OSBPL3: variants seen among roughly 807,000 people sequenced by gnomAD.
The protein encoded by OSBPL3 is oxysterol-binding protein-related protein 3.
A neutral mutation model predicts 120.1 loss-of-function variants in OSBPL3; 65 were observed. The ratio of observed to expected loss-of-function variants is 0.54; its 90% CI spans 0.44 to 0.67. OSBPL3 has a LOEUF of 0.67. Ranked by LOEUF, OSBPL3 falls within the 30% of genes least tolerant of loss-of-function variation. The pLI, the probability that OSBPL3 is intolerant of heterozygous loss-of-function variation, is 0.00. For synonymous variants in OSBPL3, 416 were observed against 402.6 expected, an observed-to-expected ratio of 1.03 and a Z score of -0.40; for missense variants, 1,004 against 1,082.1, an observed-to-expected ratio of 0.93 and a Z score of 1.01.
rs1203635750 is a variant in OSBPL3 at position 24,883,961 on chromosome 7, G to A, written c.96+8416C>T. 2.0e-5 allele frequency among the ~76,000 whole-genome samples: 3 copies of A among 152,074 alleles called. No individual in the cohort carries two copies. On this transcript the variant is annotated intron_variant, in intron 2 of 22. Coordinates refer to ENST00000313367, the MANE Select transcript of OSBPL3 (RefSeq NM_015550.4). The surrounding 1 kb of genome is among the most constrained non-coding windows in gnomAD (Gnocchi z 5.4). ...TTATAACCATAGGGGTGGCTAAAAG[G>A]TCAGCAGTAAGGAGGAGAAGTAAAA...
intron 1 of OSBPL3, among the ~76,000 whole-genome samples, chr7:24,905,449 A>G (rs978461421): frequency 1.3e-5 from 2 of 152,176 alleles, no homozygotes; most frequent in Admixed American, 1.3e-4. Flanking sequence ...GTATCAGAAA[A>G]TGAAAATTGG....
Position 24,834,936 on chromosome 7 carries a change from C to T in OSBPL3, c.1496-200G>A, listed in dbSNP as rs1029075272. Among the ~76,000 whole-genome samples the T allele has an allele frequency of 7.2e-5, 11 of 152,192 alleles. No homozygotes were observed. Among genetic ancestry groups the T allele is most frequent in the African/African-American group, 2.7e-4 (11 of 41,440 alleles). ...AAAAATGACACACACTAAAACCCAT[C>T]GACTTTATTCACAGGGAAGACCTTG... On this transcript the variant is annotated intron_variant, in intron 14 of 22. Transcript: ENST00000313367. This position sits in a 1 kb window ranked among gnomAD's most constrained non-coding sequence, Gnocchi z 5.2.
chr7:24,910,934 C>G (rs1285363260), intron 1 of OSBPL3, among the ~76,000 whole-genome samples: 1 of 152,160 alleles, frequency 6.6e-6, no homozygotes, highest in Non-Finnish European at 1.5e-5. Flanking sequence ...AATCCCAAAG[C>G]CTGGTGCCAT....
chr7:24,904,918 G>GGGGT (rs376069147), intron 1 of OSBPL3, among the ~76,000 whole-genome samples: 4 of 132,860 alleles, frequency 3.0e-5, no homozygotes, highest in Non-Finnish European at 6.4e-5. Flanking sequence ...ATAATATACA[G>GGGGT]GTGTGTGTGT....
At position 24,827,307 on chromosome 7, in the gene OSBPL3, GA is replaced by G. The variant is rs1217188358; in HGVS notation, c.1884+3460del. Among the ~76,000 whole-genome samples, 1 of 152,214 alleles carries G rather than the reference GA, an allele frequency of 6.6e-6. No individual in the cohort carries two copies. Among genetic ancestry groups the G allele is most frequent in the Non-Finnish European group, 1.5e-5 (1 of 68,040 alleles). On this transcript the variant is annotated intron_variant, in intron 16 of 22. Transcript: ENST00000313367. This position sits in a 1 kb window ranked among gnomAD's most constrained non-coding sequence, Gnocchi z 5.1. The stretch of plus-strand genomic sequence containing the variant: ...AAAGAGCCATACCAGGTACCAGCAG[GA>G]AACAGAATAAATGCTCTGGCACTCT...
At chr7:24,847,052 T>A (rs1287573654) in intron 12 of OSBPL3, among the ~76,000 whole-genome samples, 4 of 114,722 alleles carry the variant, frequency 3.5e-5, no homozygotes, top group African/African-American at 1.5e-4. Flanking sequence ...AGAGCGAGAC[T>A]CTGTCTCAAA....
In OSBPL3 at chr7:24,891,349, A is replaced by G. The variant is rs1805320444; in HGVS notation, c.96+1028T>C. ...TCTAATTTCCTGGAATCACAGATTC[A>G]TGGGTGGCAAAGCTCCTTATCCCAG... On this transcript the variant is annotated intron_variant, in intron 2 of 22. Coordinates refer to ENST00000313367, the MANE Select transcript of OSBPL3 (RefSeq NM_015550.4). The surrounding 1 kb of genome is among the most constrained non-coding windows in gnomAD (Gnocchi z 4.1). 6.6e-6 allele frequency among the ~76,000 whole-genome samples: 1 copy of G among 152,146 alleles called. No individual in the cohort carries two copies. Among genetic ancestry groups the G allele is most frequent in the African/African-American group, 2.4e-5 (1 of 41,424 alleles).
At position 24,833,739 on chromosome 7, in the gene OSBPL3, C is replaced by T. The variant is rs1199900514; in HGVS notation, c.1746+747G>A. On this transcript the variant is annotated intron_variant, in intron 15 of 22. Coordinates refer to ENST00000313367, the MANE Select transcript of OSBPL3 (RefSeq NM_015550.4). This position sits in a 1 kb window ranked among gnomAD's most constrained non-coding sequence, Gnocchi z 4.4. ...GGAAGCAAAAAGCGGTACAGACACC[C>T]ACGTTCAAGAACAAAGTTAGTCACA... is the stretch of plus-strand genomic sequence containing the variant. Among the ~76,000 whole-genome samples, 2 of 152,170 alleles carry T rather than the reference C, an allele frequency of 1.3e-5. No homozygotes were observed. The highest frequency in any genetic ancestry group is 4.8e-5 in the African/African-American group (2 of 41,444).
upstream of OSBPL3, among the ~76,000 whole-genome samples, chr7:24,980,396 C>T (rs1045016138): frequency 6.6e-6 from 1 of 151,924 alleles, no homozygotes; most frequent in African/African-American, 2.4e-5. Context: ...ACTAGGGACC[C>T]CGGATTCCGG....
intron 1 of OSBPL3, among the ~76,000 whole-genome samples, chr7:24,950,666 G>C (rs1335310472): frequency 6.6e-6 from 1 of 152,238 alleles, no homozygotes; most frequent in Non-Finnish European, 1.5e-5. Flanking sequence ...AGCTTGCAGT[G>C]AGCGGAGATC....
At position 24,940,414 on chromosome 7, in the gene OSBPL3, G is replaced by A. The variant is rs958727928; in HGVS notation, c.-150+39472C>T. Among the ~76,000 whole-genome samples, 5 of 152,094 alleles carry A rather than the reference G, an allele frequency of 3.3e-5. No individual in the cohort carries two copies. The highest frequency in any genetic ancestry group is 1.2e-4 in the African/African-American group (5 of 41,392). On this transcript the variant is annotated intron_variant, in intron 1 of 22. Coordinates refer to ENST00000313367, the MANE Select transcript of OSBPL3 (RefSeq NM_015550.4). This position sits in a 1 kb window ranked among gnomAD's most constrained non-coding sequence, Gnocchi z 4.4. ...TCAAAAGGGTTGACTATATAGCCCA[G>A]GTACACCAGGGGAGAAGTAAAGAGT...
chr7:24,826,655 T>C (rs2128157592), intron 16 of OSBPL3, among the ~76,000 whole-genome samples: 1 of 152,258 alleles, frequency 6.6e-6, no homozygotes, highest in East Asian at 1.9e-4. Flanking sequence ...AACTGATCCC[T>C]GCCTCACCTT....
At chr7:24,892,291 G>T (rs1322762647) in intron 2 of OSBPL3, 86 bp downstream of exon 2, 2 of 1,352,738 alleles carry the variant, frequency 1.5e-6, no homozygotes, top group Non-Finnish European at 2.1e-6. Context: ...TGAGAAGTAG[G>T]CTTTCCCAAG....
chr7:24,852,721 A>T lies in OSBPL3; in HGVS notation c.1028-87T>A, dbSNP rs1417780302. 2.3e-6 allele frequency: 2 copies of T among 881,260 alleles called. No individual in the cohort carries two copies. Among genetic ancestry groups the T allele is most frequent in the Non-Finnish European group, 3.3e-6 (2 of 609,086 alleles). The allele number at this position is 881,260 out of a possible 1,614,324, so 54.6% of individuals were successfully genotyped here. A position where few individuals can be genotyped will look rare whatever the true frequency, so the allele number is the denominator to read the frequency against. On this transcript the variant is annotated intron_variant, in intron 10 of 22. Transcript: ENST00000313367. This position sits in a 1 kb window ranked among gnomAD's most constrained non-coding sequence, Gnocchi z 4.1. Reference sequence around the variant, plus strand: ...AAAAAACATATCTCTTATAAAAGAAACAAGCAAAGTAACAGCCCTGAATAT... The same window carrying T: ...AAAAAACATATCTCTTATAAAAGAATCAAGCAAAGTAACAGCCCTGAATAT...
chr7:24,830,191 T>C lies in OSBPL3; in HGVS notation c.1884+577A>G, dbSNP rs2128167817. Among the ~76,000 whole-genome samples the C allele has an allele frequency of 6.6e-6, 1 of 152,256 alleles. No individual in the cohort carries two copies. Among genetic ancestry groups the C allele is most frequent in the South Asian group, 2.1e-4 (1 of 4,822 alleles). The stretch of plus-strand genomic sequence containing the variant: ...AACCTTAGGCTGCATGAGTACAAGG[T>C]TGTGCATCCATCAGATGAGGGCAGG... On this transcript the variant is annotated intron_variant, in intron 16 of 22. Transcript: ENST00000313367. The surrounding 1 kb of genome is among the most constrained non-coding windows in gnomAD (Gnocchi z 4.4).
rs1169024361 is a variant in OSBPL3 at position 24,804,816 on chromosome 7, C to T, written c.2445-379G>A. 3.3e-5 allele frequency among the ~76,000 whole-genome samples: 5 copies of T among 152,098 alleles called. No individual in the cohort carries two copies. Among genetic ancestry groups the T allele is most frequent in the East Asian group, 3.9e-4 (2 of 5,192 alleles). On this transcript the variant is annotated intron_variant, in intron 21 of 22. Transcript: ENST00000313367. This position sits in a 1 kb window ranked among gnomAD's most constrained non-coding sequence, Gnocchi z 5.4. ...TAACACATATTCTTATCCCTCCCTCCGTTTAAAAAATATAAATGGTAGCAT... is the reference window on the plus strand; with the variant it reads ...TAACACATATTCTTATCCCTCCCTCTGTTTAAAAAATATAAATGGTAGCAT...
At chr7:24,977,726 G>A (rs1280391217) in intron 1 of OSBPL3, among the ~76,000 whole-genome samples, 1 of 152,138 alleles carries the variant, frequency 6.6e-6, no homozygotes, top group Admixed American at 6.5e-5. Flanking sequence ...CGTGGTGACG[G>A]GCGCCTGTAG....
chr7:24,853,803 C>T (rs532935579), intron 10 of OSBPL3, among the ~76,000 whole-genome samples: 13 of 152,250 alleles, frequency 8.5e-5, no homozygotes, highest in East Asian at 7.7e-4. Context: ...ATATTTAAAA[C>T]GAAGTATTTG....
At chr7:24,934,930 A>G (rs1812221399) in intron 1 of OSBPL3, among the ~76,000 whole-genome samples, 1 of 152,130 alleles carries the variant, frequency 6.6e-6, no homozygotes, top group Non-Finnish European at 1.5e-5. Flanking sequence ...TACATAATGC[A>G]TTTTCTTAAA....
Sources: allele counts gnomAD v4.1 joint callset (sites outside exome capture counted in the v4.1 genomes callset), GRCh38; gene constraint gnomAD v4.1.1; non-coding constraint Gnocchi (gnomAD v3.1); transcripts MANE v1.5; gene names NCBI Gene and HGNC (gene_info 2026-07-23, HGNC 2026-07-21).